CACNA2D4: variants seen among roughly 807,000 people sequenced by gnomAD.
CACNA2D4 encodes the protein voltage-dependent calcium channel subunit alpha-2/delta-4.
Under a neutral mutation model 163.8 loss-of-function variants are expected in CACNA2D4, and 157 were observed. That is an observed-to-expected ratio of 0.96 (90% CI 0.84 to 1.09). The LOEUF is 1.09. Among genes scored for constraint, CACNA2D4 ranks in the 50% least tolerant of loss-of-function variants. The pLI, the probability that CACNA2D4 is intolerant of heterozygous loss-of-function variation, is 0.00. For missense variants in CACNA2D4, 1,410 were observed against 1,479.9 expected (o/e 0.95, Z 0.78); for synonymous variants, 598 against 586.9 (o/e 1.02, Z -0.27).
intron 13 of CACNA2D4, 75 bp from the exon 14 acceptor site, chr12:1,879,956 TG>T: frequency 1.1e-6 from 1 of 952,118 alleles, no homozygotes; most frequent in South Asian, 1.5e-5. Context: ...GAGCACCCAG[TG>T]CGGAGAACCC....
At position 1,877,424 on chromosome 12, in the gene CACNA2D4, G is replaced by C. The variant is rs1865905566; in HGVS notation, c.1719+891C>G. On this transcript the variant is annotated intron_variant, in intron 16 of 37. Transcript: ENST00000382722. The stretch of plus-strand genomic sequence containing the variant: ...TGCTTGCCCAGCAGAGCCTGATTTG[G>C]AAGACAGCATGAACAGAGTGGCTTC... Among the ~76,000 whole-genome samples the C allele has an allele frequency of 2.0e-5, 3 of 152,336 alleles. No homozygotes were observed. In the South Asian group the frequency reaches 6.2e-4, roughly 32 times the overall value.
At chr12:1,811,588 G>T in intron 27 of CACNA2D4, 74 bp downstream of exon 27, 1 of 1,442,324 alleles carries the variant, frequency 6.9e-7, no homozygotes, top group Non-Finnish European at 9.5e-7. Context: ...CATCCAAGGG[G>T]AGGGAGAGGG....
chr12:1,854,135 C>T, intron 22 of CACNA2D4, 91 bp from the exon 23 acceptor site: 1 of 927,074 alleles, frequency 1.1e-6, no homozygotes, highest in Non-Finnish European at 1.6e-6. Flanking sequence ...AGAAGATGTG[C>T]TTCCTGAACG....
At chr12:1,890,649 C>A (rs970212784) in intron 6 of CACNA2D4, among the ~76,000 whole-genome samples, 2 of 152,200 alleles carry the variant, frequency 1.3e-5, no homozygotes, top group African/African-American at 4.8e-5. Context: ...CTGCCCCAAC[C>A]CGAGCATTCC....
chr12:1,878,488 C>A lies in CACNA2D4; in HGVS notation c.1645-99G>T. ...GGGGCCACAGGACGGTCAAAGATGG[C>A]AGCTCACAGCAGTGAGTGTTTTCAA... On this transcript the variant is annotated intron_variant, in intron 15 of 37. Coordinates refer to ENST00000382722, the MANE Select transcript of CACNA2D4 (RefSeq NM_172364.5). The surrounding 1 kb of genome is among the most constrained non-coding windows in gnomAD (Gnocchi z 4.6). 1 of 1,546,514 alleles carries A rather than the reference C, an allele frequency of 6.5e-7. No individual in the cohort carries two copies. The highest frequency in any genetic ancestry group is 8.7e-7 in the Non-Finnish European group (1 of 1,146,108).
chr12:1,821,823 C>A (rs1864115902), intron 26 of CACNA2D4, among the ~76,000 whole-genome samples: 1 of 152,122 alleles, frequency 6.6e-6, no homozygotes, highest in Admixed American at 6.5e-5. Flanking sequence ...AGTTGGCGGC[C>A]CTGTCTCTCC....
rs1565668565 is a variant in CACNA2D4 at position 1,798,023 on chromosome 12, T to C, written c.2996-488A>G. 1.3e-5 allele frequency among the ~76,000 whole-genome samples: 2 copies of C among 151,908 alleles called. No homozygotes were observed. The highest frequency in any genetic ancestry group is 1.3e-4 in the Admixed American group (2 of 15,270). Reference sequence around the variant, plus strand: ...CACAGCCAGGCCCACACTCCACCCATTGAGCCTGAGCGCCTGCGGTGGGGG... The same window carrying C: ...CACAGCCAGGCCCACACTCCACCCACTGAGCCTGAGCGCCTGCGGTGGGGG... On this transcript the variant is annotated intron_variant, in intron 34 of 37. Transcript: ENST00000382722. This position sits in a 1 kb window ranked among gnomAD's most constrained non-coding sequence, Gnocchi z 4.3.
chr12:1,825,861 T>C (rs1230252778), intron 26 of CACNA2D4, among the ~76,000 whole-genome samples: 1 of 152,190 alleles, frequency 6.6e-6, no homozygotes, highest in African/African-American at 2.4e-5. Context: ...CCATGTGACC[T>C]TGGACAAGTG....
At position 1,831,434 on chromosome 12, in the gene CACNA2D4, C is replaced by G. The variant is rs768465054; in HGVS notation, c.2551+9305G>C. On this transcript the variant is annotated intron_variant, in intron 26 of 37. Transcript: ENST00000382722. ...GGCTGACATTTGAACCCCTAGCAAA[C>G]CTGCAGCTGCTGCAGGTCGGGGATA... The G allele has an allele frequency of 2.5e-6, 4 of 1,614,178 alleles. No individual in the cohort carries two copies. The East Asian group carries it at 8.9e-5, about 36-fold the overall frequency.
chr12:1,811,721 C>A lies in CACNA2D4; in HGVS notation c.2554G>T (p.Ala852Ser). 1.9e-6 allele frequency: 3 copies of A among 1,558,656 alleles called. No homozygotes were observed. The highest frequency in any genetic ancestry group is 2.6e-6 in the Non-Finnish European group (3 of 1,150,744). The change falls in exon 27 of 38, where the codon GCG becomes TCG. Residue 852 changes from alanine to serine, a missense_variant and splice_region_variant. By Grantham distance (99) the Ala-to-Ser change is moderately conservative. Coordinates refer to ENST00000382722, the MANE Select transcript of CACNA2D4 (RefSeq NM_172364.5). ...AATTCCAGCTTCATTTGGACGCCCG[C>A]GGCTACAGGGCAGAAAGAGAGAGGG... ...VDKRTAIAAA[A>S]GVQMKLEFLQ...
chr12:1,856,452 C>T (rs2154448379), intron 20 of CACNA2D4, among the ~76,000 whole-genome samples: 1 of 152,262 alleles, frequency 6.6e-6, no homozygotes, highest in East Asian at 1.9e-4. Context: ...ACCCCTTCTT[C>T]AAGGTTCAGG....
intron 4 of CACNA2D4, among the ~76,000 whole-genome samples, chr12:1,908,577 G>C (rs930073866): frequency 6.6e-6 from 1 of 151,962 alleles, no homozygotes; most frequent in Non-Finnish European, 1.5e-5. Flanking sequence ...TCCTCCACAC[G>C]ACCGGGTTCA....
In CACNA2D4 at chr12:1,883,746, A is replaced by G. The variant is rs572271765; in HGVS notation, c.1351+497T>C. On this transcript the variant is annotated intron_variant, in intron 12 of 37. Transcript: ENST00000382722. This position sits in a 1 kb window ranked among gnomAD's most constrained non-coding sequence, Gnocchi z 4.5. ...CTGTGTCTCTCCACCATCAAAGCAC[A>G]TTTCAGGCTGCATCGTGGGTGGTGT... 1.3e-5 allele frequency among the ~76,000 whole-genome samples: 2 copies of G among 152,164 alleles called. No individual in the cohort carries two copies. The highest frequency in any genetic ancestry group is 2.9e-5 in the Non-Finnish European group (2 of 67,994).
intron 26 of CACNA2D4, among the ~76,000 whole-genome samples, chr12:1,819,047 C>T (rs1040365405): frequency 1.3e-4 from 19 of 150,610 alleles, no homozygotes; most frequent in Admixed American, 8.6e-4. Flanking sequence ...CCACAGAAAG[C>T]TCCTGCACAA....
chr12:1,880,218 C>T (rs959431561), intron 13 of CACNA2D4, among the ~76,000 whole-genome samples: 1 of 152,206 alleles, frequency 6.6e-6, no homozygotes, highest in Non-Finnish European at 1.5e-5. Flanking sequence ...AGGAAACAGG[C>T]CCATCTGCGC....
intron 26 of CACNA2D4, among the ~76,000 whole-genome samples, chr12:1,815,521 C>T (rs1863847327): frequency 6.6e-6 from 1 of 151,014 alleles, no homozygotes; most frequent in African/African-American, 2.5e-5. Flanking sequence ...ATGATTTGTT[C>T]ATCTATTTGA....
At chr12:1,855,314 G>C (rs1865375575) in intron 22 of CACNA2D4, among the ~76,000 whole-genome samples, 1 of 152,144 alleles carries the variant, frequency 6.6e-6, no homozygotes, top group Non-Finnish European at 1.5e-5. Context: ...GTGCCCTGTT[G>C]GGTTGGCATG....
rs7959010 is a variant in CACNA2D4 at position 1,828,979 on chromosome 12, G to A, written c.2551+11760C>T. Among the ~76,000 whole-genome samples the A allele has an allele frequency of 4.9e-4, 75 of 152,294 alleles. No individual in the cohort carries two copies. Among genetic ancestry groups the A allele is most frequent in the South Asian group, 8.3e-4 (4 of 4,828 alleles). On this transcript the variant is annotated intron_variant, in intron 26 of 37. Transcript: ENST00000382722. The surrounding 1 kb of genome is among the most constrained non-coding windows in gnomAD (Gnocchi z 4.2). ...AAACGGTCCCGCGGGACGGCATTCC[G>A]CCTGACTTCCCGCTCTGATCCAGCA...
Position 1,878,772 on chromosome 12 carries a change from G to C in CACNA2D4, c.1644+184C>G, listed in dbSNP as rs921976287. On this transcript the variant is annotated intron_variant, in intron 15 of 37. Coordinates refer to ENST00000382722, the MANE Select transcript of CACNA2D4 (RefSeq NM_172364.5). The surrounding 1 kb of genome is among the most constrained non-coding windows in gnomAD (Gnocchi z 4.6). ...CACAGAGCAAGTCATAGTTCGTGGT[G>C]GGAAAGGGACCCAGGGGCACCAGTT... Among the ~76,000 whole-genome samples, 1 of 152,220 alleles carries C rather than the reference G, an allele frequency of 6.6e-6. No individual in the cohort carries two copies. Among genetic ancestry groups the C allele is most frequent in the African/African-American group, 2.4e-5 (1 of 41,456 alleles).
Sources: allele counts gnomAD v4.1 joint callset (sites outside exome capture counted in the v4.1 genomes callset), GRCh38; gene constraint gnomAD v4.1.1; non-coding constraint Gnocchi (gnomAD v3.1); transcripts MANE v1.5; gene names NCBI Gene and HGNC (gene_info 2026-07-23, HGNC 2026-07-21).